Variants in ICE2 observed in about 807,000 individuals in gnomAD.
ICE2 encodes the protein interactor of little elongation complex ELL subunit 2.
ICE2 carries 87 observed loss-of-function variants against 105.4 expected under a neutral mutation model. The ratio of observed to expected loss-of-function variants is 0.83; its 90% CI spans 0.69 to 0.99. The LOEUF is 0.99. ICE2 is among the 50% of genes least tolerant of loss of function. The probability of loss-of-function intolerance (pLI) is 0.00; values close to 1 mark genes in which losing one functional copy is unlikely to be tolerated. For missense variants in ICE2, 1,323 were observed against 1,146.7 expected (o/e 1.15, Z -2.22); for synonymous variants, 399 against 392.0 (o/e 1.02, Z -0.21).
intron 13 of ICE2, among the ~76,000 whole-genome samples, chr15:60,432,631 G>T (rs1186883410): frequency 1.3e-5 from 2 of 151,652 alleles, no homozygotes; most frequent in Non-Finnish European, 2.9e-5. Context: ...AGTGGCTCAC[G>T]CCTGTAATCC....
intron 3 of ICE2, among the ~76,000 whole-genome samples, chr15:60,469,655 C>T (rs1271086374): frequency 2.6e-5 from 4 of 152,122 alleles, no homozygotes; most frequent in Non-Finnish European, 5.9e-5. Flanking sequence ...ATCAGATAAT[C>T]CTAATTTTTT....
intron 13 of ICE2, 73 bp from the exon 14 acceptor site, chr15:60,432,057 C>T (rs2063471672): frequency 1.4e-5 from 10 of 722,866 alleles, no homozygotes; most frequent in Non-Finnish European, 2.4e-5. Context: ...GCTCCTCAGG[C>T]AGAGAAATGC....
At position 60,456,697 on chromosome 15, in the gene ICE2, A is replaced by C; in HGVS notation, c.626T>G (p.Val209Gly). The part of the protein sequence containing the change: ...TSLMGFFPFR[V>G]EMGLKLEKTL... ...TTTTTCTAACTTTAATCCCATCTCT[A>C]CTCTGAATGGGAAGAATCCCATTAA... The change falls in exon 6 of 16, where the codon GTA becomes GGA. Residue 209 changes from valine to glycine, a missense_variant. Val to Gly is a moderately radical substitution (Grantham distance 109). Coordinates refer to ENST00000261520, the MANE Select transcript of ICE2 (RefSeq NM_024611.6). 1 of 1,598,254 alleles carries C rather than the reference A, an allele frequency of 6.3e-7. No homozygotes were observed. The highest frequency in any genetic ancestry group is 1.4e-5 in the African/African-American group (1 of 73,910).
chr15:60,479,072 A>G lies in ICE2; in HGVS notation c.-162T>C, dbSNP rs530330884. ...ACACACGCTCCACCCCACTCCTCAC[A>G]TTGTCGCGCGCGCCCAAAAAAGACC... On this transcript the variant is annotated 5_prime_UTR_variant, in exon 1 of 16. The change abolishes an upstream ATG in the 5' untranslated region. Transcript: ENST00000261520. The G allele has an allele frequency of 2.2e-3, 975 of 451,430 alleles. No homozygotes were observed. The highest frequency in any genetic ancestry group is 3.9e-3 in the Non-Finnish European group (871 of 223,670). 28.0% of individuals were successfully genotyped at this position (451,430 alleles called of 1,614,324 possible). A position where few individuals can be genotyped will look rare whatever the true frequency, so the allele number is the denominator to read the frequency against.
At chr15:60,456,886 T>C (rs1236975670) in intron 5 of ICE2, 92 bp from the exon 6 acceptor site, 4 of 633,328 alleles carry the variant, frequency 6.3e-6, no homozygotes, top group Non-Finnish European at 1.0e-5. Context: ...TAATTATTCA[T>C]TGCAAAAATT....
rs1566985641 is a variant in ICE2, at chr15:60,449,020, T to TA, written c.1946dup (p.Leu649PhefsTer6). On this transcript the variant is annotated frameshift_variant, in exon 10 of 16. Coordinates refer to ENST00000261520, the MANE Select transcript of ICE2 (RefSeq NM_024611.6). LOFTEE classifies it high-confidence loss of function. ...GCTTTAAGAGCTCATCCTGCATTTT[T>TA]AAAATCTCTCCAACTGGATCAAATT... 1.9e-6 allele frequency: 3 copies of TA among 1,613,818 alleles called. No individual in the cohort carries two copies. Among genetic ancestry groups the TA allele is most frequent in the Non-Finnish European group, 2.5e-6 (3 of 1,179,950 alleles).
chr15:60,435,496 G>A (rs970900199), intron 13 of ICE2, among the ~76,000 whole-genome samples: 7 of 151,986 alleles, frequency 4.6e-5, no homozygotes, highest in African/African-American at 1.5e-4. Flanking sequence ...CTACTCAGGA[G>A]GCTGAGGCAG....
At chr15:60,469,758 T>C (rs1488346807) in intron 3 of ICE2, among the ~76,000 whole-genome samples, 1 of 152,214 alleles carries the variant, frequency 6.6e-6, no homozygotes, top group Non-Finnish European at 1.5e-5. Context: ...TACTCCCAAA[T>C]AAATTTCTTT....
intron 4 of ICE2, among the ~76,000 whole-genome samples, chr15:60,467,229 T>C (rs201913883): frequency 6.6e-6 from 1 of 152,136 alleles, no homozygotes; most frequent in Non-Finnish European, 1.5e-5. Flanking sequence ...TCCCAAAGTG[T>C]TGGGATTACA....
chr15:60,463,592 G>GCCAA (rs2064338741), intron 5 of ICE2, among the ~76,000 whole-genome samples: 1 of 152,158 alleles, frequency 6.6e-6, no homozygotes. Context: ...GGCCAATACG[G>GCCAA]TGAAACCCCA....
intron 15 of ICE2, among the ~76,000 whole-genome samples, chr15:60,425,683 G>A (rs922697570): frequency 2.0e-5 from 3 of 152,222 alleles, no homozygotes; most frequent in African/African-American, 7.2e-5. Flanking sequence ...GATCACATTA[G>A]AGGCAGAAAC....
chr15:60,431,004 T>C (rs1418789938), intron 14 of ICE2, among the ~76,000 whole-genome samples: 1 of 152,012 alleles, frequency 6.6e-6, no homozygotes, highest in Non-Finnish European at 1.5e-5. Flanking sequence ...CCTGAGTAGG[T>C]GGGATTACAG....
At chr15:60,453,301 G>C (rs1398292578) in intron 9 of ICE2, 3 of 1,098,486 alleles carry the variant, frequency 2.7e-6, no homozygotes, top group Non-Finnish European at 3.3e-6. Context: ...CCACCATCAA[G>C]GAGTTTTCAC....
intron 12 of ICE2, among the ~76,000 whole-genome samples, chr15:60,437,526 T>A (rs1008180664): frequency 6.6e-6 from 1 of 151,894 alleles, no homozygotes; most frequent in Non-Finnish European, 1.5e-5. Context: ...AGAGACTGGG[T>A]TTCATCATGT....
At chr15:60,457,786 T>C (rs2141102599) in intron 5 of ICE2, among the ~76,000 whole-genome samples, 1 of 152,328 alleles carries the variant, frequency 6.6e-6, no homozygotes, top group East Asian at 1.9e-4. Context: ...CTAACACAGA[T>C]GTGGACTAAT....
chr15:60,456,820 T>G lies in ICE2; in HGVS notation c.529-26A>C, dbSNP rs745594974. On this transcript the variant is annotated intron_variant, in intron 5 of 15. Coordinates refer to ENST00000261520, the MANE Select transcript of ICE2 (RefSeq NM_024611.6). The stretch of plus-strand genomic sequence containing the variant: ...CTGAGAAACAGAAATTAAGAAAAAT[T>G]CATTTGTATTTCTCTAATAATGCAA... 3 of 1,403,172 alleles carry G rather than the reference T, an allele frequency of 2.1e-6. No homozygotes were observed. The South Asian group carries it at 4.4e-5, about 21-fold the overall frequency. 86.9% of individuals were successfully genotyped at this position (1,403,172 alleles called of 1,614,324 possible).
At chr15:60,448,442 A>G (rs562813797) in intron 10 of ICE2, among the ~76,000 whole-genome samples, 9 of 152,348 alleles carry the variant, frequency 5.9e-5, no homozygotes, top group East Asian at 3.9e-4. Context: ...AAGTAATGTT[A>G]TTCCTAATCT....
rs148692960 is a variant in ICE2 at position 60,455,729 on chromosome 15, C to A, written c.667-287G>T. Among the ~76,000 whole-genome samples the A allele has an allele frequency of 2.6e-5, 4 of 151,956 alleles. No homozygotes were observed. In the East Asian group the frequency reaches 7.7e-4, roughly 29 times the overall value. On this transcript the variant is annotated intron_variant, in intron 6 of 15. Coordinates refer to ENST00000261520, the MANE Select transcript of ICE2 (RefSeq NM_024611.6). The stretch of plus-strand genomic sequence containing the variant: ...GCCTCCTGGGTTCGAGCAATTCTCT[C>A]ACTTCAGCCTCACGAATAGCTGGGA...
chr15:60,458,393 C>T (rs2064184742), intron 5 of ICE2, among the ~76,000 whole-genome samples: 1 of 151,968 alleles, frequency 6.6e-6, no homozygotes, highest in Non-Finnish European at 1.5e-5. Context: ...ATAAAAAATG[C>T]CCCCTAAATT....
Sources: allele counts gnomAD v4.1 joint callset (sites outside exome capture counted in the v4.1 genomes callset), GRCh38; gene constraint gnomAD v4.1.1; transcripts MANE v1.5; gene names NCBI Gene and HGNC (gene_info 2026-07-23, HGNC 2026-07-21).